Variants in PRKDC observed in about 807,000 individuals in gnomAD.
The protein encoded by PRKDC is protein kinase, DNA-activated, catalytic subunit, also known as DNA-dependent protein kinase catalytic subunit.
A neutral mutation model predicts 486.9 loss-of-function variants in PRKDC; 82 were observed. The observed-to-expected ratio is 0.17, with a 90% CI of 0.14 to 0.20. The LOEUF (loss-of-function observed/expected upper bound fraction) is 0.20. Ranked by LOEUF, PRKDC falls within the 10% of genes least tolerant of loss-of-function variation. PRKDC has a pLI of 1.00. For missense variants in PRKDC, 4,504 were observed against 5,038.2 expected (o/e 0.89, Z 3.21); for synonymous variants, 1,895 against 1,837.0 (o/e 1.03, Z -0.81).
At position 47,858,861 on chromosome 8, in the gene PRKDC, A is replaced by C. The variant is rs2088607305; in HGVS notation, c.6333T>G (p.Pro2111=). ...GTGGGAAAAGCACCTCTTCTCCTTG[A>C]GGCGGGCCCAGGCTTCTGTGCATGT... ...VKHMHRSLGP[P]QGEEDSVPRD... The change falls in exon 47 of 86, where the codon CCT becomes CCG. Residue 2111 remains proline (P), a synonymous_variant. Coordinates refer to ENST00000314191, the MANE Select transcript of PRKDC (RefSeq NM_006904.7). 1.9e-6 allele frequency: 3 copies of C among 1,613,282 alleles called. No individual in the cohort carries two copies. Among genetic ancestry groups the C allele is most frequent in the Non-Finnish European group, 2.5e-6 (3 of 1,179,530 alleles).
chr8:47,803,241 G>A, intron 70 of PRKDC, 65 bp downstream of exon 70: 1 of 1,450,126 alleles, frequency 6.9e-7, no homozygotes, highest in South Asian at 1.5e-5. Context: ...CAAAGAAGAG[G>A]AAGATACACA....
rs568317938 is a variant in PRKDC at position 47,903,080 on chromosome 8, T to C, written c.3043-285A>G. 1.3e-4 allele frequency among the ~76,000 whole-genome samples: 20 copies of C among 152,190 alleles called. No individual in the cohort carries two copies. The East Asian group carries it at 2.3e-3, about 18-fold the overall frequency. ...GAAAACTTTAATTATAACAAAACAA[T>C]CTTTCCCTTCCCTGAAAAAAAAGAA... On this transcript the variant is annotated intron_variant, in intron 26 of 85. Transcript: ENST00000314191.
Position 47,852,763 on chromosome 8 carries a change from A to G in PRKDC, c.6915T>C (p.Asn2305=). 1 of 1,571,084 alleles carries G rather than the reference A, an allele frequency of 6.4e-7. No individual in the cohort carries two copies. Among genetic ancestry groups the G allele is most frequent in the South Asian group, 1.2e-5 (1 of 85,776 alleles). Residue 2305 remains asparagine (N), a synonymous_variant, in exon 52 of 86, where the codon AAT becomes AAC. Transcript: ENST00000314191. ...CTTTATATCTTACAAAGGACATATT[A>G]TTCACCAAAGCCTGGAAGTATCTAC... The part of the protein sequence containing the change: ...QSSEYFQALV[N]NMSFVRYKEV...
Position 47,904,986 on chromosome 8 carries a change from CA to C in PRKDC, c.2935-11del, listed in dbSNP as rs1489245660. On this transcript the variant is annotated splice_polypyrimidine_tract_variant and intron_variant, in intron 25 of 85. Coordinates refer to ENST00000314191, the MANE Select transcript of PRKDC (RefSeq NM_006904.7). ...ACAGTTGCCTTGTCACCTGAAGAAA[CA>C]ATACCATTAAAGTTAATTCCCTTCA... The C allele has an allele frequency of 1.3e-6, 2 of 1,577,520 alleles. No individual in the cohort carries two copies. The highest frequency in any genetic ancestry group is 1.4e-5 in the African/African-American group (1 of 74,022).
At chr8:47,857,544 A>G (rs938858936) in intron 48 of PRKDC, among the ~76,000 whole-genome samples, 1 of 152,206 alleles carries the variant, frequency 6.6e-6, no homozygotes, top group African/African-American at 2.4e-5. Flanking sequence ...GTGAAGACAC[A>G]GGGAGAATGC....
chr8:47,825,301 C>T (rs539622613), intron 63 of PRKDC, among the ~76,000 whole-genome samples: 4 of 151,966 alleles, frequency 2.6e-5, no homozygotes, highest in South Asian at 4.1e-4. Context: ...TTTGGGAGGC[C>T]GGGGCGGGCG....
Position 47,773,255 on chromosome 8 carries a change from G to A in PRKDC, c.*918C>T, listed in dbSNP as rs1053145417. The A allele has an allele frequency of 4.5e-5, 10 of 220,742 alleles. No homozygotes were observed. The highest frequency in any genetic ancestry group is 1.8e-4 in the Admixed American group (3 of 17,096). 13.7% of individuals were successfully genotyped at this position (220,742 alleles called of 1,614,324 possible). A position where few individuals can be genotyped will look rare whatever the true frequency, so the allele number is the denominator to read the frequency against. ...AACAGTTTGGGTGTGGAGGACTGGC[G>A]GGGGGGGACAGGGACTGCACATGGG... On this transcript the variant is annotated 3_prime_UTR_variant, in exon 86 of 86. Coordinates refer to ENST00000314191, the MANE Select transcript of PRKDC (RefSeq NM_006904.7).
Position 47,823,976 on chromosome 8 carries a change from T to G in PRKDC, c.8804A>C (p.Glu2935Ala). 1 of 1,612,966 alleles carries G rather than the reference T, an allele frequency of 6.2e-7. No homozygotes were observed. Among genetic ancestry groups the G allele is most frequent in the South Asian group, 1.1e-5 (1 of 90,920 alleles). ...ELAKLYRSIG[E>A]YDVLRGIFTS... is the part of the protein sequence containing the mutation. ...AAAAATCCCACGGAGGACGTCGTAT[T>G]CTCCAATTGATCTATACAGCCTACA... is the stretch of plus-strand genomic sequence containing the variant. The change falls in exon 64 of 86, where the codon GAA becomes GCA. Residue 2935 changes from glutamate (E) to alanine (A), a missense_variant. Coordinates refer to ENST00000314191, the MANE Select transcript of PRKDC (RefSeq NM_006904.7).
Position 47,824,004 on chromosome 8 carries a change from A to T in PRKDC, c.8784-8T>A, listed in dbSNP as rs200659591. ...CCAATTGATCTATACAGCCTACAAA[A>T]CAAATCAAAAAGGCCAAATCAATGA... is the stretch of plus-strand genomic sequence containing the variant. On this transcript the variant is annotated splice_region_variant and splice_polypyrimidine_tract_variant and intron_variant, in intron 63 of 85. Coordinates refer to ENST00000314191, the MANE Select transcript of PRKDC (RefSeq NM_006904.7). 1.2e-4 allele frequency: 190 copies of T among 1,572,662 alleles called. No individual in the cohort carries two copies. Among genetic ancestry groups the T allele is most frequent in the Non-Finnish European group, 1.3e-4 (147 of 1,155,598 alleles).
Position 47,929,117 on chromosome 8 carries a change from G to A in PRKDC, c.2114C>T (p.Ala705Val), listed in dbSNP as rs866408910. 2 of 1,573,604 alleles carry A rather than the reference G, an allele frequency of 1.3e-6. No individual in the cohort carries two copies. Among genetic ancestry groups the A allele is most frequent in the Non-Finnish European group, 1.7e-6 (2 of 1,157,428 alleles). Reference sequence around the variant, plus strand: ...CTCTTTGCCAAATTTCACAAATAAAGCAAAGCAAGAATACTTTTCTGGGTC... The same window carrying A: ...CTCTTTGCCAAATTTCACAAATAAAACAAAGCAAGAATACTTTTCTGGGTC... ...PEDPEKYSCF[A>V]LFVKFGKEVA... The change falls in exon 19 of 86, where the codon GCT (alanine) becomes GTT (valine). Residue 705 changes from alanine to valine, a missense_variant. Transcript: ENST00000314191.
chr8:47,944,268 T>G (rs988532961), intron 7 of PRKDC, among the ~76,000 whole-genome samples: 1 of 152,122 alleles, frequency 6.6e-6, no homozygotes, highest in African/African-American at 2.4e-5. Flanking sequence ...ACCTATCACT[T>G]ACAAGCTCTA....
At chr8:47,927,990 C>T (rs1473388209) in intron 19 of PRKDC, 100 bp from the exon 20 acceptor site, 17 of 1,147,040 alleles carry the variant, frequency 1.5e-5, no homozygotes, top group Admixed American at 4.0e-5. Context: ...AAAATTGGCA[C>T]GTAGCCTTTA....
intron 27 of PRKDC, among the ~76,000 whole-genome samples, chr8:47,901,785 A>C (rs1267004005): frequency 2.6e-5 from 4 of 152,072 alleles, no homozygotes; most frequent in African/African-American, 7.2e-5. Context: ...TCAGGGGTAC[A>C]TGTGCAGGAT....
intron 74 of PRKDC, among the ~76,000 whole-genome samples, chr8:47,793,683 T>TAAAAAAAAAAAAAAAAAAAAAAAA: frequency 1.4e-5 from 1 of 72,810 alleles, no homozygotes; most frequent in Non-Finnish European, 2.9e-5. Flanking sequence ...TTAAAAAAAC[T>TAAAAAAAAAAAAAAAAAAAAAAAA]AAAAAAAAAA....
intron 40 of PRKDC, 99 bp from the exon 41 acceptor site, chr8:47,864,862 A>C: frequency 9.5e-7 from 1 of 1,056,270 alleles, no homozygotes; most frequent in Non-Finnish European, 1.3e-6. Flanking sequence ...CAGTGATTAC[A>C]AATTACAAAA....
intron 69 of PRKDC, among the ~76,000 whole-genome samples, chr8:47,803,784 T>TA (rs1228176257): frequency 2.0e-5 from 3 of 152,098 alleles, no homozygotes; most frequent in Non-Finnish European, 4.4e-5. Flanking sequence ...ACCCCGTCTC[T>TA]AAAAAATTTA....
At chr8:47,890,535 A>T in intron 31 of PRKDC, 55 bp from the exon 32 acceptor site, 1 of 1,351,612 alleles carries the variant, frequency 7.4e-7, no homozygotes, top group Non-Finnish European at 1.0e-6. Flanking sequence ...CTCCACTAAG[A>T]TTAACATAAA....
At chr8:47,909,107 T>C (rs1030749347) in intron 25 of PRKDC, among the ~76,000 whole-genome samples, 1 of 152,226 alleles carries the variant, frequency 6.6e-6, no homozygotes, top group African/African-American at 2.4e-5. Flanking sequence ...CTGGTCACCC[T>C]GGCCCATCTT....
chr8:47,851,395 T>C (rs914469138), intron 52 of PRKDC, among the ~76,000 whole-genome samples: 3 of 152,248 alleles, frequency 2.0e-5, no homozygotes, highest in Admixed American at 6.5e-5. Context: ...AAATAGCTGA[T>C]AATCCCTAAA....
Sources: gnomAD v4.1 joint callset for allele counts (sites outside exome capture counted in the v4.1 genomes callset) on GRCh38, gnomAD v4.1.1 for gene constraint, MANE v1.5 for transcripts, NCBI Gene and HGNC (gene_info 2026-07-23, HGNC 2026-07-21) for gene names.